TET3: variants seen among roughly 807,000 people sequenced by gnomAD.
TET3 encodes tet methylcytosine dioxygenase 3.
TET3 carries 19 observed loss-of-function variants against 141.4 expected under a neutral mutation model. The ratio of observed to expected loss-of-function variants is 0.13; its 90% confidence interval spans 0.09 to 0.20. TET3 has a LOEUF of 0.20. Among genes scored for constraint, TET3 ranks in the 10% least tolerant of loss-of-function variants. The pLI is 1.00. For missense variants in TET3, 1,874 were observed against 2,356.9 expected (o/e 0.80, Z 4.24); for synonymous variants, 1,043 against 980.9 (o/e 1.06, Z -1.18).
At chr2:74,081,003 C>G (rs902176306) in intron 6 of TET3, among the ~76,000 whole-genome samples, 1 of 152,184 alleles carries the variant, frequency 6.6e-6, no homozygotes, top group African/African-American at 2.4e-5. Context: ...TTCCATGTGC[C>G]CTGGAGCTGC....
chr2:74,033,931 A>G (rs995232730), intron 3 of TET3, among the ~76,000 whole-genome samples: 4 of 152,098 alleles, frequency 2.6e-5, no homozygotes, highest in Non-Finnish European at 4.4e-5. Flanking sequence ...TCCCATCTCT[A>G]CTAAAAACAC....
chr2:74,000,361 C>T (rs77024306), intron 2 of TET3, among the ~76,000 whole-genome samples: 15,951 of 152,084 alleles, frequency 0.1, 1,277 homozygotes, highest in East Asian at 0.41. Flanking sequence ...GGAGGACTGC[C>T]GTGTAAATAA....
At chr2:73,994,582 G>A (rs1446623385) in intron 2 of TET3, among the ~76,000 whole-genome samples, 3 of 151,192 alleles carry the variant, frequency 2.0e-5, no homozygotes, top group African/African-American at 7.3e-5. Context: ...CTCTTGCTAA[G>A]ATTATGTGAA....
rs1691332606 is a variant in TET3 at position 74,103,296 on chromosome 2, TG to T, written c.*1123del. On this transcript the variant is annotated 3_prime_UTR_variant, in exon 12 of 12. Transcript: ENST00000409262. Reference sequence around the variant, plus strand: ...GGAGCCTGGTGCTGTAGTGTTGTGCTGGGACTTTCTTGACTCTTGGGCAGGT... The same window carrying T: ...GGAGCCTGGTGCTGTAGTGTTGTGCTGGACTTTCTTGACTCTTGGGCAGGT... 6.6e-6 allele frequency: 1 copy of T among 152,646 alleles called. No homozygotes were observed. The highest frequency in any genetic ancestry group is 2.4e-5 in the African/African-American group (1 of 41,466). The allele number at this position is 152,646 out of a possible 1,614,324, so 9.5% of individuals were successfully genotyped here.
chr2:74,016,821 T>C (rs1204388656), intron 3 of TET3, among the ~76,000 whole-genome samples: 1 of 148,802 alleles, frequency 6.7e-6, no homozygotes, highest in Non-Finnish European at 1.5e-5. Context: ...TACTATTTAA[T>C]TGACACATAA....
intron 3 of TET3, among the ~76,000 whole-genome samples, chr2:74,014,382 T>G (rs970606164): frequency 2.0e-5 from 3 of 152,118 alleles, no homozygotes; most frequent in African/African-American, 7.2e-5. Context: ...GAGCCCCGAT[T>G]TAGCCTGACC....
chr2:74,043,126 C>G (rs186662446), intron 3 of TET3, among the ~76,000 whole-genome samples: 2 of 152,180 alleles, frequency 1.3e-5, no homozygotes, highest in Non-Finnish European at 2.9e-5. Flanking sequence ...GTGCTACTCT[C>G]GGGTGTTTCT....
chr2:74,128,480 T>G, the TET3 span, among the ~76,000 whole-genome samples: 3 of 152,066 alleles, frequency 2.0e-5, no homozygotes, highest in Non-Finnish European at 4.4e-5. Context: ...AAAAAAGACA[T>G]TAAGGGAAGA....
At chr2:74,120,534 C>G in the TET3 span, 1 of 152,308 alleles carries the variant, frequency 6.6e-6, no homozygotes, top group Non-Finnish European at 1.5e-5. Flanking sequence ...GCCCTGCAGG[C>G]GTCGTCGCGG....
At chr2:74,050,901 C>T (rs1268245315) in intron 4 of TET3, among the ~76,000 whole-genome samples, 1 of 151,982 alleles carries the variant, frequency 6.6e-6, no homozygotes, top group Admixed American at 6.6e-5. Flanking sequence ...ATTTAGTTAC[C>T]CACTCAGCCA....
At chr2:74,011,371 T>C (rs1423094159) in intron 3 of TET3, among the ~76,000 whole-genome samples, 2 of 152,242 alleles carry the variant, frequency 1.3e-5, no homozygotes, top group Non-Finnish European at 2.9e-5. Flanking sequence ...CTTCACCCCG[T>C]TCCCATTGCC....
Position 74,047,092 on chromosome 2 carries a change from C to T in TET3, c.1175C>T (p.Ala392Val), listed in dbSNP as rs368284979. ...CTTCCTGAGGCCTTGTCACCTCCTG[C>T]CCCTTTCAGATCTCCCCAGTCTTAC... ...CPLPEALSPPAPFRSPQSYLR... is the reference protein window; with the variant it reads ...CPLPEALSPPVPFRSPQSYLR... Residue 392 changes from alanine to valine, a missense_variant, in exon 4 of 12, where the codon GCC becomes GTC. Around this residue, in one of 10 missense-constraint regions of TET3, gnomAD observed 484 missense variants for 462.2 expected, o/e 1.05. Coordinates refer to ENST00000409262, the MANE Select transcript of TET3 (RefSeq NM_001287491.2). 1.8e-4 allele frequency: 285 copies of T among 1,613,898 alleles called. No individual in the cohort carries two copies. The highest frequency in any genetic ancestry group is 2.4e-4 in the Non-Finnish European group (280 of 1,179,878).
At chr2:74,060,599 A>AT (rs1688452111) in intron 4 of TET3, among the ~76,000 whole-genome samples, 1 of 152,102 alleles carries the variant, frequency 6.6e-6, no homozygotes, top group Admixed American at 6.5e-5. Flanking sequence ...TCATAGGACA[A>AT]TAGTGGAGGG....
chr2:74,123,669 C>T, the TET3 span, among the ~76,000 whole-genome samples: 5,788 of 152,240 alleles, frequency 0.038, 361 homozygotes, highest in African/African-American at 0.13. Context: ...AGCCTCTGCC[C>T]GGCCACCACC....
At chr2:74,086,410 C>G (rs929093470) in intron 6 of TET3, among the ~76,000 whole-genome samples, 3 of 151,760 alleles carry the variant, frequency 2.0e-5, no homozygotes, top group African/African-American at 7.3e-5. Context: ...TATTGAGATA[C>G]AATTCTCGTA....
In TET3 at chr2:74,047,562, C is replaced by G. The variant is rs1299355521; in HGVS notation, c.1645C>G (p.Pro549Ala). The G allele has an allele frequency of 3.7e-6, 6 of 1,613,814 alleles. No individual in the cohort carries two copies. Among genetic ancestry groups the G allele is most frequent in the Non-Finnish European group, 5.1e-6 (6 of 1,179,886 alleles). Residue 549 changes from proline (P) to alanine (A), a missense_variant, in exon 4 of 12, where the codon CCT (proline) becomes GCT (alanine). Pro to Ala is a conservative substitution (Grantham distance 27). Coordinates refer to ENST00000409262, the MANE Select transcript of TET3 (RefSeq NM_001287491.2). ...AGAACAGGTGCACGACACCTCCTTC[C>G]CTGCTCCTTCAGAGCCTTCTGCTCC... ...FLEQVHDTSF[P>A]APSEPSAPGW...
chr2:74,000,914 G>A (rs1457550838), intron 2 of TET3, among the ~76,000 whole-genome samples: 1 of 152,102 alleles, frequency 6.6e-6, no homozygotes, highest in African/African-American at 2.4e-5. Flanking sequence ...TGCAGCAACC[G>A]TACTAGTTGT....
At chr2:74,031,669 T>C (rs539581742) in intron 3 of TET3, among the ~76,000 whole-genome samples, 1 of 152,334 alleles carries the variant, frequency 6.6e-6, no homozygotes, top group East Asian at 1.9e-4. Context: ...CTCTGTGAAG[T>C]TGATCTTGTG....
rs530897314 is a variant in TET3 at position 74,089,669 on chromosome 2, G to C, written c.2889-228G>C. The stretch of plus-strand genomic sequence containing the variant: ...TGTGCTACTCCCAGCAACAGACTCA[G>C]TGTTAGACCTGCAGGCTCGCAGTGG... On this transcript the variant is annotated intron_variant, in intron 7 of 11. Coordinates refer to ENST00000409262, the MANE Select transcript of TET3 (RefSeq NM_001287491.2). 6.3e-4 allele frequency among the ~76,000 whole-genome samples: 96 copies of C among 152,362 alleles called. 2 individuals carry two copies. The highest frequency in any genetic ancestry group is 5.9e-3 in the Admixed American group (91 of 15,314).
Sources: allele counts gnomAD v4.1 joint callset (sites outside exome capture counted in the v4.1 genomes callset), GRCh38; gene constraint gnomAD v4.1.1; regional missense constraint gnomAD v4.1.1; transcripts MANE v1.5; gene names NCBI Gene and HGNC (gene_info 2026-07-23, HGNC 2026-07-21).